CDKN2B-AS1: variants seen among roughly 807,000 people sequenced by gnomAD.
The protein encoded by CDKN2B-AS1 is CDKN2B and CDKN2A antisense cis and trans regulatory RNA 1.
chr9:22,123,462 G>T (rs1449012964), intron 4 of CDKN2B-AS1, among the ~76,000 whole-genome samples: 1 of 152,130 alleles, frequency 6.6e-6, no homozygotes, highest in Non-Finnish European at 1.5e-5. Context: ...TAGCTGAGGA[G>T]AGAAATGAAA....
intron 1 of CDKN2B-AS1, chr9:22,031,129 G>A (rs529205296): frequency 6.6e-6 from 1 of 152,112 alleles, no homozygotes; most frequent in African/African-American, 2.4e-5. Flanking sequence ...CACCTATTAT[G>A]TTATTTTCTT....
chr9:22,011,004 C>G (rs1467162159), intron 1 of CDKN2B-AS1, among the ~76,000 whole-genome samples: 1 of 152,208 alleles, frequency 6.6e-6, no homozygotes, highest in Non-Finnish European at 1.5e-5. Context: ...GACTGAGAAT[C>G]TTGCACGAGG....
chr9:22,032,632 T>C (rs1335775863), intron 1 of CDKN2B-AS1: 1 of 151,958 alleles, frequency 6.6e-6, no homozygotes, highest in Non-Finnish European at 1.5e-5. Flanking sequence ...TAAAGAGCTT[T>C]GTTTGTACAC....
intron 4 of CDKN2B-AS1, chr9:22,097,138 C>G (rs748904564): frequency 2.0e-5 from 3 of 152,254 alleles, no homozygotes; most frequent in Non-Finnish European, 2.9e-5. Context: ...ATTTTCTGCA[C>G]TGTGTGCGCG....
intron 4 of CDKN2B-AS1, among the ~76,000 whole-genome samples, chr9:22,072,433 CAG>C (rs1253974278): frequency 6.6e-5 from 10 of 152,172 alleles, no homozygotes; most frequent in African/African-American, 2.4e-4. Context: ...AGGGGACAGA[CAG>C]AGACACTAGT....
chr9:22,074,273 T>C (rs575930819), intron 4 of CDKN2B-AS1, among the ~76,000 whole-genome samples: 1 of 152,318 alleles, frequency 6.6e-6, no homozygotes, highest in East Asian at 1.9e-4. Flanking sequence ...TATATTGTTT[T>C]GGTAAAACTA....
intron 4 of CDKN2B-AS1, among the ~76,000 whole-genome samples, chr9:22,113,314 C>T (rs1191711572): frequency 5.9e-5 from 9 of 152,194 alleles, no homozygotes; most frequent in Non-Finnish European, 8.8e-5. Context: ...AATGGCCTGT[C>T]AAATCCTTCT....
intron 1 of CDKN2B-AS1, among the ~76,000 whole-genome samples, chr9:22,022,534 C>G (rs1232413029): frequency 6.6e-6 from 1 of 152,110 alleles, no homozygotes; most frequent in African/African-American, 2.4e-5. Flanking sequence ...TATTTTGAGC[C>G]TATCTCATTG....
chr9:22,044,977 C>G (rs191149376), intron 1 of CDKN2B-AS1, among the ~76,000 whole-genome samples: 2 of 149,270 alleles, frequency 1.3e-5, no homozygotes, highest in Admixed American at 1.3e-4. Context: ...ATGATCAATA[C>G]TTATTTTGTA....
At chr9:22,081,910 T>G (rs1275426684) in intron 4 of CDKN2B-AS1, among the ~76,000 whole-genome samples, 1 of 152,186 alleles carries the variant, frequency 6.6e-6, no homozygotes, top group Admixed American at 6.5e-5. Context: ...TCCCAGGAGT[T>G]TTTTTTACTC....
intron 4 of CDKN2B-AS1, among the ~76,000 whole-genome samples, chr9:22,071,440 C>T (rs534673369): frequency 2.0e-5 from 3 of 151,480 alleles, no homozygotes; most frequent in Admixed American, 6.6e-5. Context: ...ATCTATTTTG[C>T]AGCAACTATA....
At chr9:22,082,329 T>G (rs911858264) in intron 4 of CDKN2B-AS1, among the ~76,000 whole-genome samples, 3 of 152,222 alleles carry the variant, frequency 2.0e-5, no homozygotes, top group African/African-American at 7.2e-5. Context: ...GTGTTTTGAT[T>G]TCTTGTACAA....
In CDKN2B-AS1 at chr9:22,005,074, A is replaced by C; in HGVS notation, n.29+9913A>C. ...AAAAGTACAAAATATCACAAAATCA[A>C]AAAGTAGCAAGTCATAAGGGGATTT... On this transcript the variant is annotated intron_variant and non_coding_transcript_variant, in intron 1 of 4. Transcript: ENST00000650946. This position sits in a 1 kb window ranked among gnomAD's most constrained non-coding sequence, Gnocchi z 4.9. The C allele has an allele frequency of 4.3e-6, 1 of 233,140 alleles. No homozygotes were observed. The highest frequency in any genetic ancestry group is 8.5e-6 in the Non-Finnish European group (1 of 118,072). The allele number at this position is 233,140 out of a possible 1,614,324, so 14.4% of individuals were successfully genotyped here.
At chr9:22,053,592 G>T (rs11790231) in intron 3 of CDKN2B-AS1, among the ~76,000 whole-genome samples, 7 of 151,998 alleles carry the variant, frequency 4.6e-5, no homozygotes, top group African/African-American at 7.2e-5. Context: ...CCTCCAACTC[G>T]TAGCCAGAGC....
At chr9:22,021,128 G>C (rs938531028) in intron 1 of CDKN2B-AS1, among the ~76,000 whole-genome samples, 1 of 152,212 alleles carries the variant, frequency 6.6e-6, no homozygotes, top group African/African-American at 2.4e-5. Context: ...TTATTGAATA[G>C]GGAATCTGTT....
At chr9:22,072,476 C>T (rs144316575) in intron 4 of CDKN2B-AS1, among the ~76,000 whole-genome samples, 198 of 152,332 alleles carry the variant, frequency 1.3e-3, no homozygotes, top group Non-Finnish European at 2.0e-3. Context: ...GGTTCCATTT[C>T]ATCTCTAATA....
intron 4 of CDKN2B-AS1, among the ~76,000 whole-genome samples, chr9:22,121,728 A>G (rs180691855): frequency 4.1e-4 from 63 of 152,078 alleles, no homozygotes; most frequent in African/African-American, 1.5e-3. Context: ...CCAGGATTTT[A>G]TTGCTTTTTA....
chr9:22,104,091 C>T (rs1825578350), intron 4 of CDKN2B-AS1, among the ~76,000 whole-genome samples: 1 of 152,068 alleles, frequency 6.6e-6, no homozygotes, highest in African/African-American at 2.4e-5. Flanking sequence ...GCAGATATTA[C>T]TAGGGAAATA....
chr9:22,076,363 A>G (rs556402515), intron 4 of CDKN2B-AS1, among the ~76,000 whole-genome samples: 1 of 152,280 alleles, frequency 6.6e-6, no homozygotes, highest in East Asian at 1.9e-4. Context: ...TGAGTTTAAC[A>G]TAAACAAAGA....
Sources: allele counts gnomAD v4.1 joint callset (sites outside exome capture counted in the v4.1 genomes callset), GRCh38; gene constraint gnomAD v4.1.1; non-coding constraint Gnocchi (gnomAD v3.1); transcripts MANE v1.5; gene names NCBI Gene and HGNC (gene_info 2026-07-23, HGNC 2026-07-21).